The following ELOVL2 variants were observed in gnomAD, a reference collection of about 807,000 sequenced individuals.
The protein encoded by ELOVL2 is ELOVL fatty acid elongase 2.
ELOVL2 carries 38 observed loss-of-function variants against 37.7 expected under a neutral mutation model. That is an observed-to-expected ratio of 1.01 (90% confidence interval 0.78 to 1.32). ELOVL2 has a LOEUF of 1.32. Among genes scored for constraint, ELOVL2 ranks in the 40% most tolerant of loss-of-function variants. The probability of loss-of-function intolerance (pLI) is 0.00; values close to 1 mark genes in which losing one functional copy is unlikely to be tolerated. For synonymous variants in ELOVL2, 115 were observed against 122.3 expected, an observed-to-expected ratio of 0.94 and a Z score of 0.40; for missense variants, 352 against 363.6, an observed-to-expected ratio of 0.97 and a Z score of 0.26.
At position 10,989,736 on chromosome 6, in the gene ELOVL2, C is replaced by T. The variant is rs750166938; in HGVS notation, c.732G>A (p.Thr244=). The change falls in exon 7 of 8, where the codon ACG becomes ACA. Residue 244 remains threonine, a synonymous_variant. Transcript: ENST00000354666. ...AAAAATTTAAGAAGAGGATGACTAACGTTAGCATATAAGATGACTGGAAGA... is the reference window on the plus strand; with the variant it reads ...AAAAATTTAAGAAGAGGATGACTAATGTTAGCATATAAGATGACTGGAAGA... ...CLIFQSSYML[T]LVILFLNFYV... is the part of the protein sequence containing the mutation. 51 of 1,613,902 alleles carry T rather than the reference C, an allele frequency of 3.2e-5. No individual in the cohort carries two copies. Among genetic ancestry groups the T allele is most frequent in the South Asian group, 8.8e-5 (8 of 91,076 alleles).
At chr6:11,033,942 G>C (rs548096554) in intron 1 of ELOVL2, among the ~76,000 whole-genome samples, 1 of 152,300 alleles carries the variant, frequency 6.6e-6, no homozygotes, top group South Asian at 2.1e-4. Context: ...GTGGGTAGCA[G>C]CCACCAGTTT....
At chr6:10,992,291 ATCCTAAATCC>A (rs1293303438) in intron 5 of ELOVL2, among the ~76,000 whole-genome samples, 2 of 152,204 alleles carry the variant, frequency 1.3e-5, no homozygotes, top group Non-Finnish European at 2.9e-5. Flanking sequence ...TCTCTACAAG[ATCCTAAATCC>A]TGGAACAAAG....
intron 1 of ELOVL2, among the ~76,000 whole-genome samples, chr6:11,027,031 C>T (rs1459200751): frequency 3.3e-5 from 5 of 152,058 alleles, no homozygotes; most frequent in Admixed American, 6.6e-5. Flanking sequence ...CCATGTTTTT[C>T]GATATATCTC....
At chr6:11,001,473 G>T (rs1371938547) in intron 3 of ELOVL2, among the ~76,000 whole-genome samples, 1 of 152,028 alleles carries the variant, frequency 6.6e-6, no homozygotes, top group Admixed American at 6.6e-5. Context: ...TATAAATTTT[G>T]GTGTGTTCGT....
Position 11,005,393 on chromosome 6 carries a change from G to C in ELOVL2, c.234C>G (p.Leu78=), listed in dbSNP as rs17855039. The C allele has an allele frequency of 5.0e-6, 8 of 1,613,676 alleles. No homozygotes were observed. Among genetic ancestry groups the C allele is most frequent in the Non-Finnish European group, 6.8e-6 (8 of 1,179,906 alleles). ...TTACCTCTGCCAGCATGTACGCGGA[G>C]AGAAGTGTGATTCCAAGATTATACA... is the stretch of plus-strand genomic sequence containing the variant. ...LTLYNLGITL[L]SAYMLAELIL... The change falls in exon 3 of 8, where the codon CTC becomes CTG. Residue 78 remains leucine, a synonymous_variant. Transcript: ENST00000354666.
chr6:10,987,684 T>C (rs1661531853), intron 7 of ELOVL2, among the ~76,000 whole-genome samples: 1 of 152,202 alleles, frequency 6.6e-6, no homozygotes, highest in Admixed American at 6.5e-5. Context: ...CAATGACTAT[T>C]AGAGGTCACG....
chr6:10,992,436 A>C (rs1325190176), intron 5 of ELOVL2, among the ~76,000 whole-genome samples: 1 of 152,270 alleles, frequency 6.6e-6, no homozygotes, highest in Admixed American at 6.5e-5. Context: ...ACTGTAGGTC[A>C]TAACTGACCC....
intron 5 of ELOVL2, among the ~76,000 whole-genome samples, chr6:10,993,316 C>T (rs1277685786): frequency 6.6e-6 from 1 of 152,130 alleles, no homozygotes; most frequent in Non-Finnish European, 1.5e-5. Context: ...AGCAAGTCAT[C>T]TTCATGTAGA....
intron 7 of ELOVL2, among the ~76,000 whole-genome samples, chr6:10,984,908 T>C (rs1782019383): frequency 6.6e-6 from 1 of 152,208 alleles, no homozygotes; most frequent in Non-Finnish European, 1.5e-5. Context: ...ATGGTATTTC[T>C]AGTTCTAGAT....
In ELOVL2 at chr6:11,006,570, T is replaced by C. The variant is rs566220756; in HGVS notation, c.68-1011A>G. The stretch of plus-strand genomic sequence containing the variant: ...TGGCCTTTTCTTGAATTTTTTGTTT[T>C]CTAAGTCCCTTTCTGGTGCATCCTA... On this transcript the variant is annotated intron_variant, in intron 2 of 7. Coordinates refer to ENST00000354666, the MANE Select transcript of ELOVL2 (RefSeq NM_017770.4). 9.8e-5 allele frequency among the ~76,000 whole-genome samples: 15 copies of C among 152,354 alleles called. 1 individual carries two copies. The South Asian group carries it at 3.1e-3, about 32-fold the overall frequency.
intron 2 of ELOVL2, among the ~76,000 whole-genome samples, chr6:11,006,875 C>G (rs1212578430): frequency 6.6e-6 from 1 of 152,092 alleles, no homozygotes; most frequent in Non-Finnish European, 1.5e-5. Flanking sequence ...CTTTTAATGC[C>G]CAGATAAAGG....
intron 1 of ELOVL2, among the ~76,000 whole-genome samples, chr6:11,037,068 G>GAGAGGGAAAGAGAT (rs1783020506): frequency 1.3e-5 from 1 of 76,234 alleles, no homozygotes; most frequent in African/African-American, 7.1e-5. Flanking sequence ...AAGAGATAGA[G>GAGAGGGAAAGAGAT]AGGCAGAGAG....
chr6:11,003,229 T>C (rs1782421413), intron 3 of ELOVL2, among the ~76,000 whole-genome samples: 1 of 152,182 alleles, frequency 6.6e-6, no homozygotes, highest in Admixed American at 6.5e-5. Context: ...GGTGGTTTGC[T>C]GCACCTATCA....
chr6:11,019,083 A>AGTTGCATTAC (rs1440636312), intron 1 of ELOVL2, among the ~76,000 whole-genome samples: 1 of 152,196 alleles, frequency 6.6e-6, no homozygotes, highest in African/African-American at 2.4e-5. Context: ...CAGTTATCAT[A>AGTTGCATTAC]AGATTGCATT....
chr6:10,998,050 T>C (rs1342237264), intron 4 of ELOVL2, among the ~76,000 whole-genome samples: 1 of 152,172 alleles, frequency 6.6e-6, no homozygotes, highest in East Asian at 1.9e-4. Flanking sequence ...TGAGTTACTG[T>C]AAGATCTAAT....
Position 10,993,053 on chromosome 6 carries a change from G to C in ELOVL2, c.505+1954C>G, listed in dbSNP as rs376779074. Among the ~76,000 whole-genome samples, 4 of 152,016 alleles carry C rather than the reference G, an allele frequency of 2.6e-5. No homozygotes were observed. The East Asian group carries it at 7.7e-4, about 29-fold the overall frequency. ...ACACTTTTTTAAAAAATAAAAGTGT[G>C]CTTTATTATGAAGAAAATTTAAATA... is the stretch of plus-strand genomic sequence containing the variant. On this transcript the variant is annotated intron_variant, in intron 5 of 7. Transcript: ENST00000354666.
intron 1 of ELOVL2, among the ~76,000 whole-genome samples, chr6:11,012,812 T>C (rs1406497345): frequency 6.6e-6 from 1 of 152,216 alleles, no homozygotes; most frequent in Non-Finnish European, 1.5e-5. Flanking sequence ...AGCACTGTTA[T>C]ATGCTGAAAA....
chr6:10,995,177 A>G lies in ELOVL2; in HGVS notation c.335T>C (p.Val112Ala). The change falls in exon 5 of 8, where the codon GTA (valine) becomes GCA (alanine). Residue 112 changes from valine (V) to alanine (A), a missense_variant and splice_region_variant. Transcript: ENST00000354666. ...ATAGTACCACCAAAGCACCTTGGCT[A>G]CCTATAGAAATTTGTAAAGGGGAGA... ...LTSAGEADIR[V>A]AKVLWWYYFS... 1.3e-6 allele frequency: 2 copies of G among 1,598,338 alleles called. No homozygotes were observed. Among genetic ancestry groups the G allele is most frequent in the African/African-American group, 1.3e-5 (1 of 74,192 alleles).
At chr6:10,990,675 C>CT (rs79871644) in intron 5 of ELOVL2, among the ~76,000 whole-genome samples, 2 of 142,814 alleles carry the variant, frequency 1.4e-5, no homozygotes, top group Non-Finnish European at 3.1e-5. Flanking sequence ...ATGCCCCCCC[C>CT]CCGCCACACA....
Sources: allele counts gnomAD v4.1 joint callset (sites outside exome capture counted in the v4.1 genomes callset), GRCh38; gene constraint gnomAD v4.1.1; transcripts MANE v1.5; gene names NCBI Gene and HGNC (gene_info 2026-07-23, HGNC 2026-07-21).